Variants in NLGN1 observed in about 807,000 individuals in gnomAD.
The protein encoded by NLGN1 is neuroligin-1.
In NLGN1, 12 loss-of-function variants were observed where a neutral mutation model predicts 65.5. That is an observed-to-expected ratio of 0.18 (90% CI 0.12 to 0.30). The LOEUF (loss-of-function observed/expected upper bound fraction) is 0.30, where lower values mean the gene tolerates loss of function less well. Ranked by LOEUF, NLGN1 falls within the 10% of genes least tolerant of loss-of-function variation. NLGN1 has a pLI of 1.00. For missense variants in NLGN1, 750 were observed against 1,007.1 expected, an observed-to-expected ratio of 0.74 and a Z score of 3.46; for synonymous variants, 350 against 359.5, an observed-to-expected ratio of 0.97 and a Z score of 0.30.
At chr3:173,475,928 G>A (rs1726126871) in intron 2 of NLGN1, among the ~76,000 whole-genome samples, 1 of 152,180 alleles carries the variant, frequency 6.6e-6, no homozygotes, top group Non-Finnish European at 1.5e-5. Context: ...CACTTTAAGA[G>A]AGTACAGTTA....
chr3:173,401,276 G>A (rs150978767), intron 1 of NLGN1, among the ~76,000 whole-genome samples: 10 of 148,660 alleles, frequency 6.7e-5, no homozygotes, highest in Admixed American at 6.1e-4. Context: ...ATTGCCAAAT[G>A]TCTCTAAGAG....
At position 173,534,854 on chromosome 3, in the gene NLGN1, C is replaced by T. The variant is rs545062881; in HGVS notation, c.-320-69425C>T. 6.6e-5 allele frequency among the ~76,000 whole-genome samples: 10 copies of T among 152,290 alleles called. No individual in the cohort carries two copies. The South Asian group carries it at 2.1e-3, about 32-fold the overall frequency. On this transcript the variant is annotated intron_variant, in intron 2 of 6. Coordinates refer to ENST00000457714, the Ensembl canonical transcript of NLGN1. The stretch of plus-strand genomic sequence containing the variant: ...CCTGCCCAACTCTGGTGGAGCTCCC[C>T]ACCCCCTGCAACATTCAACATAAAG...
intron 2 of NLGN1, among the ~76,000 whole-genome samples, chr3:173,478,480 A>C (rs1560310545): frequency 6.6e-6 from 1 of 152,214 alleles, no homozygotes; most frequent in South Asian, 2.1e-4. Flanking sequence ...TGATAGGTGC[A>C]GCAAACCACC....
intron 4 of NLGN1, among the ~76,000 whole-genome samples, chr3:174,058,856 C>T (rs1248794011): frequency 1.3e-5 from 2 of 151,978 alleles, no homozygotes; most frequent in East Asian, 1.9e-4. Flanking sequence ...TTTTTCAGTA[C>T]TTCCTTGTCT....
chr3:173,757,251 T>C (rs1211083853), intron 3 of NLGN1, among the ~76,000 whole-genome samples: 1 of 152,060 alleles, frequency 6.6e-6, no homozygotes, highest in Non-Finnish European at 1.5e-5. Flanking sequence ...TGATCCATTG[T>C]CTAATCTCAG....
intron 2 of NLGN1, among the ~76,000 whole-genome samples, chr3:173,503,224 C>G (rs550744395): frequency 2.0e-5 from 3 of 152,154 alleles, no homozygotes; most frequent in African/African-American, 7.2e-5. Flanking sequence ...TAGTTAACAT[C>G]TACTAAGTAA....
intron 4 of NLGN1, among the ~76,000 whole-genome samples, chr3:173,816,161 C>A (rs1009884493): frequency 2.6e-5 from 4 of 151,220 alleles, no homozygotes; most frequent in Non-Finnish European, 5.9e-5. Flanking sequence ...AGATTATAGC[C>A]TAGTTGTAGA....
intron 3 of NLGN1, among the ~76,000 whole-genome samples, chr3:173,645,423 C>A (rs1194402111): frequency 2.0e-5 from 3 of 152,188 alleles, no homozygotes; most frequent in Non-Finnish European, 2.9e-5. Flanking sequence ...CTCCACTATT[C>A]CCACTTTATC....
rs1735388071 is a variant in NLGN1, at chr3:173,891,796, T to C, written c.646+83964T>C. On this transcript the variant is annotated intron_variant, in intron 4 of 6. Coordinates refer to ENST00000457714, the Ensembl canonical transcript of NLGN1. ...CCGGTGTTCAAAAGAAACCTAATGA[T>C]ACAAGAAACTCTCCAGCTCTGTCCT... Among the ~76,000 whole-genome samples, 6 of 152,182 alleles carry C rather than the reference T, an allele frequency of 3.9e-5. No individual in the cohort carries two copies. In the South Asian group the frequency reaches 1.2e-3, roughly 31 times the overall value.
At chr3:173,485,804 A>G (rs1445399577) in intron 2 of NLGN1, among the ~76,000 whole-genome samples, 2 of 152,210 alleles carry the variant, frequency 1.3e-5, no homozygotes, top group Admixed American at 6.5e-5. Context: ...TTTTTCCTAC[A>G]TAGGTAATCA....
At chr3:173,777,607 T>TTCTG (rs149878598) in intron 3 of NLGN1, among the ~76,000 whole-genome samples, 3,289 of 149,614 alleles carry the variant, frequency 0.022, 53 homozygotes, top group Middle Eastern at 0.038. Flanking sequence ...CCAGAATGTA[T>TTCTG]TCTGTCTGTC....
intron 4 of NLGN1, among the ~76,000 whole-genome samples, chr3:173,862,489 G>A (rs1560514276): frequency 9.1e-6 from 1 of 109,452 alleles, no homozygotes; most frequent in Non-Finnish European, 1.7e-5. Context: ...CTGGGCGACA[G>A]AGCGAGACTC....
chr3:173,605,466 G>A, intron 3 of NLGN1, 68 bp from the exon 3 acceptor site: 1 of 744,096 alleles, frequency 1.3e-6, no homozygotes, highest in Non-Finnish European at 2.0e-6. Flanking sequence ...TTAGATAGTG[G>A]TGTTGCATGT....
At chr3:174,046,042 T>C (rs1297799373) in intron 4 of NLGN1, among the ~76,000 whole-genome samples, 3 of 152,188 alleles carry the variant, frequency 2.0e-5, no homozygotes, top group Non-Finnish European at 4.4e-5. Flanking sequence ...CATTATACTC[T>C]TAGTGTTTCA....
chr3:173,411,507 C>A (rs1712543720), intron 1 of NLGN1, among the ~76,000 whole-genome samples: 1 of 152,060 alleles, frequency 6.6e-6, no homozygotes. Flanking sequence ...TGACTGATGG[C>A]CCTGTCAAGG....
At chr3:173,706,363 A>C (rs932233449) in intron 3 of NLGN1, among the ~76,000 whole-genome samples, 2 of 152,200 alleles carry the variant, frequency 1.3e-5, no homozygotes, top group African/African-American at 4.8e-5. Flanking sequence ...TAAGATTTAG[A>C]CTTTTCAAAT....
intron 4 of NLGN1, among the ~76,000 whole-genome samples, chr3:173,859,635 CAG>C (rs1728681073): frequency 6.6e-6 from 1 of 152,064 alleles, no homozygotes; most frequent in South Asian, 2.1e-4. Flanking sequence ...TTAATTAAAA[CAG>C]TGTTTTCTCC....
chr3:173,658,433 A>T (rs1431309366), intron 3 of NLGN1, among the ~76,000 whole-genome samples: 1 of 152,016 alleles, frequency 6.6e-6, no homozygotes, highest in East Asian at 1.9e-4. Flanking sequence ...GGCTAGTGAC[A>T]TACAAGAGCA....
chr3:174,138,410 C>A (rs1721610024), intron 4 of NLGN1, among the ~76,000 whole-genome samples: 1 of 150,464 alleles, frequency 6.6e-6, no homozygotes, highest in Non-Finnish European at 1.5e-5. Context: ...ACTCTACATT[C>A]ACTAGTACTG....
Sources: allele counts gnomAD v4.1 joint callset (sites outside exome capture counted in the v4.1 genomes callset), GRCh38; gene constraint gnomAD v4.1.1; transcripts MANE v1.5; gene names NCBI Gene and HGNC (gene_info 2026-07-23, HGNC 2026-07-21).